Variants in FGF14 observed in about 807,000 individuals in gnomAD.
FGF14 encodes the protein fibroblast growth factor 14.
A neutral mutation model predicts 25.5 loss-of-function variants in FGF14; 5 were observed. That is an observed-to-expected ratio of 0.20 (90% CI 0.10 to 0.41). The LOEUF (loss-of-function observed/expected upper bound fraction) is 0.41, where lower values mean the gene tolerates loss of function less well. Among genes scored for constraint, FGF14 ranks in the 10% least tolerant of loss-of-function variants. FGF14 has a pLI of 1.00. For synonymous variants in FGF14, 138 were observed against 118.3 expected (o/e 1.17, Z -1.08); for missense variants, 222 against 320.1 (o/e 0.69, Z 2.34).
upstream of FGF14, among the ~76,000 whole-genome samples, chr13:101,920,190 A>C (rs1331462980): frequency 6.6e-6 from 1 of 152,226 alleles, no homozygotes; most frequent in Non-Finnish European, 1.5e-5. Context: ...GCCGGTGAAC[A>C]CAAATGTAAA....
intron 1 of FGF14, among the ~76,000 whole-genome samples, chr13:101,966,845 G>A (rs1241021920): frequency 6.6e-6 from 1 of 152,158 alleles, no homozygotes; most frequent in Non-Finnish European, 1.5e-5. Flanking sequence ...AAATACAGAA[G>A]ACAGAAGGAT....
chr13:102,203,986 C>G (rs563699869), intron 1 of FGF14, among the ~76,000 whole-genome samples: 88 of 152,146 alleles, frequency 5.8e-4, no homozygotes, highest in Non-Finnish European at 1.1e-3. Context: ...ACTACATGAC[C>G]AGGTACTATA....
At chr13:101,897,503 A>C (rs1027660382) in intron 1 of FGF14, among the ~76,000 whole-genome samples, 1 of 152,100 alleles carries the variant, frequency 6.6e-6, no homozygotes, top group Non-Finnish European at 1.5e-5. Context: ...GTAAGAATAC[A>C]CCTGTTGCCC....
chr13:101,953,380 G>C (rs146243931), intron 1 of FGF14, among the ~76,000 whole-genome samples: 1 of 151,950 alleles, frequency 6.6e-6, no homozygotes, highest in Non-Finnish European at 1.5e-5. Flanking sequence ...CCCAGCAGGG[G>C]ATCTGGGAGC....
upstream of FGF14, chr13:102,402,048 G>GAA (rs71840194): frequency 0.079 from 8,470 of 106,834 alleles, 307 homozygotes; most frequent in African/African-American, 0.11. Flanking sequence ...AGGAGAGAAG[G>GAA]AAAAAAAAAA....
At chr13:101,984,329 C>T (rs556009966) in intron 1 of FGF14, among the ~76,000 whole-genome samples, 11 of 151,994 alleles carry the variant, frequency 7.2e-5, no homozygotes, top group South Asian at 2.1e-4. Flanking sequence ...TTCTAAGAAC[C>T]GTTTATTAAT....
chr13:102,055,007 C>T lies in FGF14; in HGVS notation c.209-179711G>A, dbSNP rs538022050. Reference sequence around the variant, plus strand: ...AGGTATCCATGTCTCACATTCCAGTCCTTTATCCACTCTCCAGTCCCATGG... The same window carrying T: ...AGGTATCCATGTCTCACATTCCAGTTCTTTATCCACTCTCCAGTCCCATGG... On this transcript the variant is annotated intron_variant, in intron 1 of 4. Coordinates refer to the FGF14 transcript ENST00000376131. 8.5e-5 allele frequency among the ~76,000 whole-genome samples: 13 copies of T among 152,312 alleles called. No individual in the cohort carries two copies. In the East Asian group the frequency reaches 2.3e-3, roughly 27 times the overall value.
At chr13:101,920,952 C>T (rs1272923361), upstream of FGF14, among the ~76,000 whole-genome samples, 4 of 152,122 alleles carry the variant, frequency 2.6e-5, no homozygotes, top group African/African-American at 9.7e-5. Flanking sequence ...AATTAGTACA[C>T]TGTGCTTGAT....
At chr13:102,324,273 T>C (rs1021105350) in intron 1 of FGF14, among the ~76,000 whole-genome samples, 1 of 152,074 alleles carries the variant, frequency 6.6e-6, no homozygotes, top group African/African-American at 2.4e-5. Context: ...GAGCCTCATA[T>C]GTGTTGTGAT....
At chr13:101,809,648 T>C (rs954171320) in intron 3 of FGF14, among the ~76,000 whole-genome samples, 1 of 152,104 alleles carries the variant, frequency 6.6e-6, no homozygotes, top group Non-Finnish European at 1.5e-5. Flanking sequence ...AAGATCTAGT[T>C]AGAGTGCATA....
chr13:102,146,931 G>A (rs1226391808), intron 1 of FGF14, among the ~76,000 whole-genome samples: 2 of 152,158 alleles, frequency 1.3e-5, no homozygotes, highest in Non-Finnish European at 2.9e-5. Flanking sequence ...TAGAAACTTA[G>A]TGATCAATCC....
intron 1 of FGF14, among the ~76,000 whole-genome samples, chr13:102,103,715 G>C (rs2044768395): frequency 1.3e-5 from 2 of 152,174 alleles, no homozygotes; most frequent in South Asian, 2.1e-4. Context: ...GAGTAGCACT[G>C]TTTTAGAGGT....
intron 3 of FGF14, among the ~76,000 whole-genome samples, chr13:101,730,575 C>G (rs972416468): frequency 2.0e-5 from 3 of 152,142 alleles, no homozygotes; most frequent in Non-Finnish European, 4.4e-5. Flanking sequence ...CCAACATAAA[C>G]AAAAATGCTC....
chr13:102,236,529 C>T (rs868170136), intron 1 of FGF14, among the ~76,000 whole-genome samples: 2 of 152,112 alleles, frequency 1.3e-5, no homozygotes, highest in African/African-American at 4.8e-5. Context: ...ACAAATAGAA[C>T]GAGGTGCACT....
intron 3 of FGF14, among the ~76,000 whole-genome samples, chr13:101,783,942 C>A (rs1018698340): frequency 6.6e-6 from 1 of 152,158 alleles, no homozygotes; most frequent in South Asian, 2.1e-4. Context: ...GGAATGAATC[C>A]TTTCCCCATT....
At chr13:102,228,077 T>C (rs1402790724) in intron 1 of FGF14, among the ~76,000 whole-genome samples, 1 of 152,220 alleles carries the variant, frequency 6.6e-6, no homozygotes, top group Admixed American at 6.5e-5. Context: ...TCTTTCATGT[T>C]TGCTAACTGT....
intron 1 of FGF14, among the ~76,000 whole-genome samples, chr13:102,340,952 AT>A (rs749338395): frequency 2.0e-4 from 30 of 152,208 alleles, no homozygotes; most frequent in Non-Finnish European, 3.7e-4. Flanking sequence ...ATTAAGTAAA[AT>A]ATGTGCTATT....
chr13:101,981,746 C>T (rs1056409180), intron 1 of FGF14, among the ~76,000 whole-genome samples: 6 of 152,150 alleles, frequency 3.9e-5, no homozygotes, highest in African/African-American at 1.2e-4. Context: ...AAATTGGGCC[C>T]TTCAGGGGTC....
intron 1 of FGF14, among the ~76,000 whole-genome samples, chr13:102,108,439 A>G (rs1490207390): frequency 1.3e-5 from 2 of 152,220 alleles, no homozygotes; most frequent in Non-Finnish European, 2.9e-5. Context: ...AGGGTTAGAA[A>G]TGTCTCCTAC....
Sources: gnomAD v4.1 joint callset for allele counts (sites outside exome capture counted in the v4.1 genomes callset) on GRCh38, gnomAD v4.1.1 for gene constraint, MANE v1.5 for transcripts, NCBI Gene and HGNC (gene_info 2026-07-23, HGNC 2026-07-21) for gene names.